The following SGCZ variants were observed in gnomAD, a reference collection of about 807,000 sequenced individuals.
SGCZ encodes zeta-sarcoglycan.
A neutral mutation model predicts 41.3 loss-of-function variants in SGCZ; 40 were observed. The ratio of observed to expected loss-of-function variants is 0.97; its 90% confidence interval spans 0.75 to 1.26. The LOEUF (loss-of-function observed/expected upper bound fraction) is 1.26, where lower values mean the gene tolerates loss of function less well. Among genes scored for constraint, SGCZ ranks in the 50% most tolerant of loss-of-function variants. SGCZ has a pLI of 0.00. For missense variants in SGCZ, 552 were observed against 369.8 expected (o/e 1.49, Z -4.04); for synonymous variants, 206 against 137.5 (o/e 1.50, Z -3.49).
At chr8:14,823,169 G>C (rs779085183) in intron 1 of SGCZ, among the ~76,000 whole-genome samples, 2 of 151,456 alleles carry the variant, frequency 1.3e-5, no homozygotes, top group South Asian at 2.1e-4. Context: ...CATTGGGCTA[G>C]GCAAGAAATT....
intron 2 of SGCZ, among the ~76,000 whole-genome samples, chr8:14,479,294 A>G (rs1309958572): frequency 2.7e-5 from 4 of 146,982 alleles, no homozygotes; most frequent in African/African-American, 1.0e-4. Context: ...CTAACGTTCA[A>G]CGGCAGGAAG....
At chr8:14,486,823 T>G (rs955656992) in intron 2 of SGCZ, among the ~76,000 whole-genome samples, 26 of 152,218 alleles carry the variant, frequency 1.7e-4, no homozygotes, top group Non-Finnish European at 2.2e-4. Context: ...ACTTGGGCTG[T>G]GAATGATTAC....
At chr8:14,109,057 T>C (rs144933733) in intron 5 of SGCZ, among the ~76,000 whole-genome samples, 4 of 152,292 alleles carry the variant, frequency 2.6e-5, no homozygotes, top group African/African-American at 7.2e-5. Flanking sequence ...TTCTCACACA[T>C]AGAGCTCCCA....
At chr8:14,675,371 A>G (rs1407510423) in intron 1 of SGCZ, among the ~76,000 whole-genome samples, 2 of 151,978 alleles carry the variant, frequency 1.3e-5, no homozygotes, top group African/African-American at 2.4e-5. Context: ...TGTACAACAT[A>G]TATTTATTGT....
At chr8:14,510,133 C>G (rs9657239) in intron 2 of SGCZ, among the ~76,000 whole-genome samples, 2 of 152,048 alleles carry the variant, frequency 1.3e-5, no homozygotes, top group African/African-American at 2.4e-5. Context: ...GAAATTTCCT[C>G]TGCAACACTC....
intron 1 of SGCZ, among the ~76,000 whole-genome samples, chr8:14,906,669 C>T (rs369944535): frequency 2.0e-5 from 3 of 152,232 alleles, no homozygotes; most frequent in South Asian, 4.1e-4. Flanking sequence ...GTACTGAAAT[C>T]AACTAACTAG....
chr8:14,170,310 C>T (rs979225362), intron 4 of SGCZ, among the ~76,000 whole-genome samples: 2 of 152,042 alleles, frequency 1.3e-5, no homozygotes, highest in African/African-American at 4.8e-5. Context: ...TTTCTCATAG[C>T]CTTTGTATTA....
At chr8:14,850,476 C>T (rs193214562) in intron 1 of SGCZ, among the ~76,000 whole-genome samples, 2 of 152,102 alleles carry the variant, frequency 1.3e-5, no homozygotes, top group African/African-American at 2.4e-5. Context: ...AAGTGAGAAA[C>T]GTGTGAGAAG....
At chr8:14,635,448 G>A (rs1397138674) in intron 1 of SGCZ, among the ~76,000 whole-genome samples, 1 of 151,920 alleles carries the variant, frequency 6.6e-6, no homozygotes, top group Admixed American at 6.6e-5. Context: ...ATAAAGCCAA[G>A]TGTTATGTGA....
In SGCZ at chr8:14,355,309, C is replaced by T. The variant is rs565436029; in HGVS notation, c.235-31105G>A. 3.9e-5 allele frequency among the ~76,000 whole-genome samples: 6 copies of T among 152,180 alleles called. 1 individual carries two copies. Among genetic ancestry groups the T allele is most frequent in the African/African-American group, 1.4e-4 (6 of 41,564 alleles). Reference sequence around the variant, plus strand: ...TAAAAACTCAAAGTCTATATTCTCTCTTTTCTAGATTCCACATAAATTCAT... The same window carrying T: ...TAAAAACTCAAAGTCTATATTCTCTTTTTTCTAGATTCCACATAAATTCAT... On this transcript the variant is annotated intron_variant, in intron 2 of 7. Coordinates refer to ENST00000382080, the MANE Select transcript of SGCZ (RefSeq NM_139167.4).
chr8:15,013,805 A>AT (rs1407384104), intron 1 of SGCZ, among the ~76,000 whole-genome samples: 3 of 152,190 alleles, frequency 2.0e-5, no homozygotes, highest in Non-Finnish European at 4.4e-5. Context: ...ACACACATAC[A>AT]TTTTACAAGT....
chr8:15,144,433 G>T (rs183975777), intron 1 of SGCZ, among the ~76,000 whole-genome samples: 1 of 150,746 alleles, frequency 6.6e-6, no homozygotes, highest in African/African-American at 2.4e-5. Flanking sequence ...CTCAGAAGTA[G>T]TTCTATACAG....
chr8:14,702,980 GACA>G (rs1809218199), intron 1 of SGCZ, among the ~76,000 whole-genome samples: 1 of 151,622 alleles, frequency 6.6e-6, no homozygotes, highest in Non-Finnish European at 1.5e-5. Flanking sequence ...TAGACAGACA[GACA>G]GACAGATAGA....
At chr8:14,398,200 C>T (rs1342998646) in intron 2 of SGCZ, among the ~76,000 whole-genome samples, 1 of 152,126 alleles carries the variant, frequency 6.6e-6, no homozygotes, top group Non-Finnish European at 1.5e-5. Context: ...GCTAATGACA[C>T]CGCTGTTTCT....
intron 1 of SGCZ, among the ~76,000 whole-genome samples, chr8:14,652,346 A>AAGTG (rs201135943): frequency 2.0e-3 from 100 of 50,694 alleles, no homozygotes; most frequent in East Asian, 7.4e-3. Flanking sequence ...AAAAAAAAAA[A>AAGTG]GGGGGGGGTG....
Position 14,282,599 on chromosome 8 carries a change from A to G in SGCZ, c.336+41504T>C, listed in dbSNP as rs904458147. 2.6e-5 allele frequency among the ~76,000 whole-genome samples: 4 copies of G among 152,112 alleles called. No individual in the cohort carries two copies. In the East Asian group the frequency reaches 5.8e-4, roughly 22 times the overall value. ...CTCCACTCTTCCTCAGCCAACTTCT[A>G]TGGTCACATGCTAACATGAGAAAGG... On this transcript the variant is annotated intron_variant, in intron 3 of 7. Transcript: ENST00000382080.
At chr8:14,645,941 C>T (rs1485871609) in intron 1 of SGCZ, among the ~76,000 whole-genome samples, 1 of 151,790 alleles carries the variant, frequency 6.6e-6, no homozygotes, top group South Asian at 2.1e-4. Flanking sequence ...AACCTGTTCT[C>T]TTACTATGCA....
At chr8:14,886,159 T>G (rs1196289827) in intron 1 of SGCZ, among the ~76,000 whole-genome samples, 3 of 151,344 alleles carry the variant, frequency 2.0e-5, no homozygotes, top group African/African-American at 7.3e-5. Context: ...CCGTTAGTAT[T>G]GAACATTGTT....
intron 2 of SGCZ, among the ~76,000 whole-genome samples, chr8:14,342,851 G>A (rs193089740): frequency 2.6e-5 from 4 of 152,284 alleles, no homozygotes; most frequent in African/African-American, 7.2e-5. Flanking sequence ...TTATCTCCAG[G>A]CCATGACAGC....
Sources: gnomAD v4.1 joint callset for allele counts (sites outside exome capture counted in the v4.1 genomes callset) on GRCh38, gnomAD v4.1.1 for gene constraint, MANE v1.5 for transcripts, NCBI Gene and HGNC (gene_info 2026-07-23, HGNC 2026-07-21) for gene names.